Variants in MAMDC2 observed in about 807,000 individuals in gnomAD.
MAMDC2 encodes MAM domain containing 2.
In MAMDC2, 57 loss-of-function variants were observed where a neutral mutation model predicts 89.8. The observed-to-expected ratio is 0.63, with a 90% CI of 0.51 to 0.79. The LOEUF (loss-of-function observed/expected upper bound fraction) is 0.79, where lower values mean the gene tolerates loss of function less well. Among genes scored for constraint, MAMDC2 ranks in the 30% least tolerant of loss-of-function variants. The probability of loss-of-function intolerance (pLI) is 0.00; values close to 1 mark genes in which losing one functional copy is unlikely to be tolerated. For missense variants in MAMDC2, 800 were observed against 820.6 expected (o/e 0.97, Z 0.31); for synonymous variants, 313 against 293.4 (o/e 1.07, Z -0.68).
At chr9:70,077,455 G>A (rs1827558229) in intron 2 of MAMDC2, among the ~76,000 whole-genome samples, 1 of 152,174 alleles carries the variant, frequency 6.6e-6, no homozygotes, top group Non-Finnish European at 1.5e-5. Context: ...TGCCCAATGG[G>A]GCTATTGAGC....
chr9:70,069,497 A>G (rs1827351551), intron 2 of MAMDC2, among the ~76,000 whole-genome samples: 1 of 152,202 alleles, frequency 6.6e-6, no homozygotes, highest in South Asian at 2.1e-4. Flanking sequence ...TATAGACGAT[A>G]GGGTCAAAAG....
At chr9:70,159,521 G>C (rs986279083) in intron 9 of MAMDC2, among the ~76,000 whole-genome samples, 5 of 152,172 alleles carry the variant, frequency 3.3e-5, no homozygotes, top group African/African-American at 1.2e-4. Context: ...GGCAAAGTCA[G>C]CATTCTTATT....
At chr9:70,075,767 T>C (rs1827515613) in intron 2 of MAMDC2, among the ~76,000 whole-genome samples, 1 of 152,168 alleles carries the variant, frequency 6.6e-6, no homozygotes, top group Admixed American at 6.5e-5. Flanking sequence ...ATAGTGGCAT[T>C]ATTGACACCA....
intron 11 of MAMDC2, chr9:70,217,125 G>C (rs1003356936): frequency 1.8e-6 from 1 of 556,910 alleles, no homozygotes; most frequent in East Asian, 2.9e-5. Flanking sequence ...AAGGAAATTG[G>C]AAAGGCAATT....
intron 9 of MAMDC2, among the ~76,000 whole-genome samples, chr9:70,150,189 G>T (rs2031540698): frequency 6.6e-6 from 1 of 152,170 alleles, no homozygotes; most frequent in African/African-American, 2.4e-5. Context: ...TTCCACATGT[G>T]GTTTCTGTCC....
At chr9:70,085,642 C>T (rs2118153518) in intron 2 of MAMDC2, among the ~76,000 whole-genome samples, 1 of 152,062 alleles carries the variant, frequency 6.6e-6, no homozygotes, top group South Asian at 2.1e-4. Flanking sequence ...CATAACTTGC[C>T]CTCAACTAAC....
intron 2 of MAMDC2, among the ~76,000 whole-genome samples, chr9:70,064,761 G>A (rs1017691805): frequency 2.0e-5 from 3 of 152,198 alleles, no homozygotes; most frequent in Admixed American, 6.5e-5. Flanking sequence ...AAAGGCCTCT[G>A]AGCAGAACCC....
intron 2 of MAMDC2, among the ~76,000 whole-genome samples, chr9:70,058,973 CAG>C (rs1188593324): frequency 9.9e-5 from 15 of 152,208 alleles, no homozygotes; most frequent in Non-Finnish European, 2.1e-4. Flanking sequence ...GTCTCACACT[CAG>C]AGGATCCCCA....
intron 2 of MAMDC2, among the ~76,000 whole-genome samples, chr9:70,094,651 T>G (rs1258144929): frequency 6.6e-6 from 1 of 152,172 alleles, no homozygotes; most frequent in East Asian, 1.9e-4. Context: ...GCTTTATATA[T>G]AAACATGATA....
intron 11 of MAMDC2, chr9:70,194,126 A>G (rs2032934051): frequency 1.3e-5 from 2 of 152,152 alleles, no homozygotes; most frequent in South Asian, 4.1e-4. Context: ...CAAATTCTAC[A>G]GTACAGCATG....
chr9:70,110,648 G>C (rs551326910), intron 4 of MAMDC2, among the ~76,000 whole-genome samples: 2 of 152,294 alleles, frequency 1.3e-5, no homozygotes, highest in South Asian at 4.1e-4. Context: ...GTGGATGCAG[G>C]ATGTGGAGCT....
intron 7 of MAMDC2, among the ~76,000 whole-genome samples, chr9:70,139,272 TC>T (rs1235827333): frequency 1.6e-5 from 1 of 61,774 alleles, no homozygotes; most frequent in Non-Finnish European, 2.9e-5. Flanking sequence ...CCCTCCCCCC[TC>T]CCCCCACCCC....
chr9:70,135,007 C>T (rs1414928216), intron 7 of MAMDC2, among the ~76,000 whole-genome samples: 2 of 152,158 alleles, frequency 1.3e-5, no homozygotes, highest in Non-Finnish European at 2.9e-5. Context: ...AGTTTCTCTC[C>T]GTGAACTCCA....
intron 11 of MAMDC2, among the ~76,000 whole-genome samples, chr9:70,200,435 T>C (rs1587564586): frequency 6.6e-6 from 1 of 150,816 alleles, no homozygotes; most frequent in Non-Finnish European, 1.5e-5. Flanking sequence ...ACCAGTACCA[T>C]GCTGTTTTGG....
chr9:70,201,817 C>A (rs1305447500), intron 11 of MAMDC2, among the ~76,000 whole-genome samples: 3 of 145,446 alleles, frequency 2.1e-5, no homozygotes, highest in African/African-American at 2.6e-5. Flanking sequence ...TCCATTTCTT[C>A]TAGATTTTCT....
chr9:70,047,447 G>C (rs1366232425), intron 2 of MAMDC2, among the ~76,000 whole-genome samples: 4 of 152,052 alleles, frequency 2.6e-5, no homozygotes, highest in Non-Finnish European at 1.5e-5. Flanking sequence ...GTGAGAACAT[G>C]AGGTGTTTGG....
At chr9:70,191,073 A>C (rs2032867758) in intron 11 of MAMDC2, among the ~76,000 whole-genome samples, 1 of 152,138 alleles carries the variant, frequency 6.6e-6, no homozygotes, top group Non-Finnish European at 1.5e-5. Flanking sequence ...GTTCTTAGCA[A>C]AATTCAGTCA....
intron 2 of MAMDC2, among the ~76,000 whole-genome samples, chr9:70,079,637 G>A (rs1334497637): frequency 6.6e-6 from 1 of 152,184 alleles, no homozygotes; most frequent in Non-Finnish European, 1.5e-5. Context: ...AACTGCACAT[G>A]TAATGGCCAC....
intron 5 of MAMDC2, among the ~76,000 whole-genome samples, chr9:70,116,533 T>A (rs2030002823): frequency 6.6e-6 from 1 of 152,184 alleles, no homozygotes; most frequent in Non-Finnish European, 1.5e-5. Flanking sequence ...ATGAGCAATT[T>A]GAATTCAATG....
Sources: allele counts gnomAD v4.1 joint callset (sites outside exome capture counted in the v4.1 genomes callset), GRCh38; gene constraint gnomAD v4.1.1; transcripts MANE v1.5; gene names NCBI Gene and HGNC (gene_info 2026-07-23, HGNC 2026-07-21).